FAM117B: variants seen among roughly 807,000 people sequenced by gnomAD.
FAM117B encodes the protein protein FAM117B.
Under a neutral mutation model 52.8 loss-of-function variants are expected in FAM117B, and 22 were observed. That is an observed-to-expected ratio of 0.42 (90% confidence interval 0.30 to 0.59). The LOEUF (loss-of-function observed/expected upper bound fraction) is 0.59, where lower values mean the gene tolerates loss of function less well. Ranked by LOEUF, FAM117B falls within the 20% of genes least tolerant of loss-of-function variation. The pLI is 0.22. For missense variants in FAM117B, 678 were observed against 802.6 expected (o/e 0.84, Z 1.88); for synonymous variants, 309 against 324.1 (o/e 0.95, Z 0.50).
At chr2:202,725,509 G>A (rs1691227784) in intron 3 of FAM117B, among the ~76,000 whole-genome samples, 1 of 152,000 alleles carries the variant, frequency 6.6e-6, no homozygotes, top group Non-Finnish European at 1.5e-5. Context: ...AGTAGAGATG[G>A]GGTTTCATCA....
At chr2:202,661,484 A>G (rs1165366468) in intron 1 of FAM117B, among the ~76,000 whole-genome samples, 1 of 152,248 alleles carries the variant, frequency 6.6e-6, no homozygotes, top group African/African-American at 2.4e-5. Flanking sequence ...TTTATAAAGT[A>G]GGTATATTAC....
Position 202,724,809 on chromosome 2 carries a change from A to T in FAM117B, c.754-108A>T. The T allele has an allele frequency of 2.9e-6, 2 of 679,330 alleles. 1 individual carries two copies. The highest frequency in any genetic ancestry group is 9.1e-5 in the South Asian group (2 of 22,064). 42.1% of individuals were successfully genotyped at this position (679,330 alleles called of 1,614,324 possible). On this transcript the variant is annotated intron_variant, in intron 2 of 7. Coordinates refer to ENST00000392238, the MANE Select transcript of FAM117B (RefSeq NM_173511.4). ...GAGTAATTTGTGTTAATTATTTTTA[A>T]TGTCTAATTTTTTTGTAATGGAAAT...
At chr2:202,672,598 T>C (rs1165024137) in intron 1 of FAM117B, among the ~76,000 whole-genome samples, 1 of 152,250 alleles carries the variant, frequency 6.6e-6, no homozygotes, top group Non-Finnish European at 1.5e-5. Context: ...TTCACAAAAT[T>C]GAAACTTCAC....
At chr2:202,741,592 A>C (rs1437137082) in intron 4 of FAM117B, among the ~76,000 whole-genome samples, 1 of 150,386 alleles carries the variant, frequency 6.6e-6, no homozygotes, top group African/African-American at 2.4e-5. Context: ...GCTGGAGTGC[A>C]GTGGCGCGAT....
At position 202,715,527 on chromosome 2, in the gene FAM117B, G is replaced by A. The variant is rs371017726; in HGVS notation, c.754-9390G>A. ...GCTCCCCACATCTCAGACGATGGGC[G>A]GCCGGGCAGAGACGCTCCTCACTTC... On this transcript the variant is annotated intron_variant, in intron 2 of 7. Transcript: ENST00000392238. Among the ~76,000 whole-genome samples, 95 of 151,852 alleles carry A rather than the reference G, an allele frequency of 6.3e-4. 1 individual carries two copies. The East Asian group carries it at 0.016, about 26-fold the overall frequency.
chr2:202,722,716 A>G (rs1691174671), intron 2 of FAM117B, among the ~76,000 whole-genome samples: 1 of 152,108 alleles, frequency 6.6e-6, no homozygotes, highest in South Asian at 2.1e-4. Flanking sequence ...AAAATAGCTA[A>G]TGAGTACTAG....
intron 2 of FAM117B, among the ~76,000 whole-genome samples, chr2:202,704,128 T>C (rs1219818416): frequency 1.3e-5 from 2 of 152,232 alleles, no homozygotes; most frequent in Non-Finnish European, 2.9e-5. Context: ...TGTCTTAACA[T>C]CTCTGTGCCT....
chr2:202,710,438 A>G (rs1299817889), intron 2 of FAM117B, among the ~76,000 whole-genome samples: 4 of 151,996 alleles, frequency 2.6e-5, no homozygotes, highest in Non-Finnish European at 5.9e-5. Flanking sequence ...AGGTGTATAT[A>G]TTTATGGGGT....
Position 202,768,293 on chromosome 2 carries a change from A to G in FAM117B, c.*2529A>G, listed in dbSNP as rs1375039407. 1 of 152,168 alleles carries G rather than the reference A, an allele frequency of 6.6e-6. No homozygotes were observed. The highest frequency in any genetic ancestry group is 1.9e-4 in the East Asian group (1 of 5,196). The allele number at this position is 152,168 out of a possible 1,614,324, so 9.4% of individuals were successfully genotyped here. A position where few individuals can be genotyped will look rare whatever the true frequency, so the allele number is the denominator to read the frequency against. On this transcript the variant is annotated 3_prime_UTR_variant, in exon 8 of 8. Coordinates refer to ENST00000392238, the MANE Select transcript of FAM117B (RefSeq NM_173511.4). ...TTCTGTGGAGTTTCATATGTCCTTA[A>G]TCTAAAGTAACTTAAAATTGGAATG...
In FAM117B at chr2:202,766,772, G is replaced by A. The variant is rs1397133689; in HGVS notation, c.*1008G>A. Reference sequence around the variant, plus strand: ...ATCATCACTGTATCATAGCCCCAAAGAGATCCTGAAATGGCTGTGCATGGA... The same window carrying A: ...ATCATCACTGTATCATAGCCCCAAAAAGATCCTGAAATGGCTGTGCATGGA... On this transcript the variant is annotated 3_prime_UTR_variant, in exon 8 of 8. Transcript: ENST00000392238. The A allele has an allele frequency of 6.6e-6, 1 of 152,208 alleles. No individual in the cohort carries two copies. Among genetic ancestry groups the A allele is most frequent in the East Asian group, 1.9e-4 (1 of 5,196 alleles). The allele number at this position is 152,208 out of a possible 1,614,324, so 9.4% of individuals were successfully genotyped here.
chr2:202,760,141 A>G (rs985053665), intron 7 of FAM117B, among the ~76,000 whole-genome samples: 89 of 152,248 alleles, frequency 5.8e-4, no homozygotes, highest in African/African-American at 2.0e-3. Context: ...CAGTACGATT[A>G]TCTTAGAAAG....
intron 1 of FAM117B, among the ~76,000 whole-genome samples, chr2:202,662,571 A>G (rs1437358254): frequency 3.3e-5 from 5 of 152,192 alleles, no homozygotes; most frequent in African/African-American, 1.2e-4. Flanking sequence ...GGCTGGGTGC[A>G]GTGGCTCACG....
intron 4 of FAM117B, among the ~76,000 whole-genome samples, chr2:202,748,324 A>C (rs1691666312): frequency 6.6e-6 from 1 of 151,932 alleles, no homozygotes; most frequent in Non-Finnish European, 1.5e-5. Flanking sequence ...AAACTACAAA[A>C]CTCCTGGAAG....
chr2:202,736,103 T>C (rs1352424124), intron 4 of FAM117B, among the ~76,000 whole-genome samples: 1 of 152,184 alleles, frequency 6.6e-6, no homozygotes, highest in Non-Finnish European at 1.5e-5. Context: ...GAAACTTACT[T>C]TTCTCTGAGG....
intron 4 of FAM117B, among the ~76,000 whole-genome samples, chr2:202,751,812 A>G (rs768928857): frequency 4.4e-4 from 66 of 151,086 alleles, no homozygotes; most frequent in Non-Finnish European, 7.4e-4. Flanking sequence ...TGACAATTGT[A>G]TATCTGTGCA....
chr2:202,695,838 T>C (rs1420469762), intron 1 of FAM117B, 43 bp from the exon 2 acceptor site: 1 of 1,538,082 alleles, frequency 6.5e-7, no homozygotes, highest in African/African-American at 1.4e-5. Flanking sequence ...GCTTTGTTTC[T>C]TTCCTAATTT....
intron 1 of FAM117B, among the ~76,000 whole-genome samples, chr2:202,638,704 C>T (rs1462817967): frequency 1.3e-5 from 2 of 152,126 alleles, no homozygotes; most frequent in Non-Finnish European, 2.9e-5. Flanking sequence ...CGCGGTGGCT[C>T]ACAGGGGTAA....
rs1219743876 is a variant in FAM117B at position 202,644,053 on chromosome 2, G to GTTTTTTTTTT, written c.601+8266_601+8275dup. On this transcript the variant is annotated intron_variant, in intron 1 of 7. Transcript: ENST00000392238. ...ATGCTATACTACTGCTTTAGGAGCT[G>GTTTTTTTTTT]TTTTTTTTTTGTTTTTTTTTTTTTT... Among the ~76,000 whole-genome samples the GTTTTTTTTTT allele has an allele frequency of 7.5e-4, 45 of 60,140 alleles. 2 individuals are homozygous for GTTTTTTTTTT. Among genetic ancestry groups the GTTTTTTTTTT allele is most frequent in the African/African-American group, 3.3e-3 (42 of 12,554 alleles). 39.5% of individuals were successfully genotyped at this position (60,140 alleles called of 152,430 possible).
At chr2:202,720,308 A>G (rs1455491701) in intron 2 of FAM117B, among the ~76,000 whole-genome samples, 1 of 151,828 alleles carries the variant, frequency 6.6e-6, no homozygotes, top group Non-Finnish European at 1.5e-5. Context: ...TCTCCTTTTT[A>G]TTATGGAAAT....
Sources: gnomAD v4.1 joint callset for allele counts (sites outside exome capture counted in the v4.1 genomes callset) on GRCh38, gnomAD v4.1.1 for gene constraint, MANE v1.5 for transcripts, NCBI Gene and HGNC (gene_info 2026-07-23, HGNC 2026-07-21) for gene names.